Variants in PRKACB observed in about 807,000 individuals in gnomAD.
PRKACB encodes cAMP-dependent protein kinase catalytic subunit beta.
A neutral mutation model predicts 51.4 loss-of-function variants in PRKACB; 16 were observed. The observed-to-expected ratio is 0.31, with a 90% CI of 0.21 to 0.47. PRKACB has a LOEUF of 0.47. Ranked by LOEUF, PRKACB falls within the 20% of genes least tolerant of loss-of-function variation. The pLI, the probability that PRKACB is intolerant of heterozygous loss-of-function variation, is 1.00. For missense variants in PRKACB, 309 were observed against 464.5 expected (o/e 0.67, Z 3.08); for synonymous variants, 147 against 154.4 (o/e 0.95, Z 0.35).
At chr1:84,140,286 A>T (rs1448586698), upstream of PRKACB, among the ~76,000 whole-genome samples, 2 of 152,194 alleles carry the variant, frequency 1.3e-5, no homozygotes, top group Admixed American at 6.5e-5. Flanking sequence ...AATTGTGGTA[A>T]TTCCATACAA....
chr1:84,182,293 C>A lies in PRKACB; in HGVS notation c.343C>A (p.Gln115Lys). The change falls in exon 3 of 10, where the codon CAG (glutamine) becomes AAG (lysine). Residue 115 changes from glutamine to lysine, a missense_variant. Physicochemically the swap from Gln to Lys is moderately conservative, Grantham distance 53. Transcript: ENST00000370685. ...VMLVKHKATE[Q>K]YYAMKILDKQ... is the part of the protein sequence containing the mutation. ...GTTGGTAAAACACAAAGCCACTGAA[C>A]AGTATTATGCCATGAAGATCTTAGA... The A allele has an allele frequency of 6.3e-7, 1 of 1,591,120 alleles. No homozygotes were observed. The highest frequency in any genetic ancestry group is 8.6e-7 in the Non-Finnish European group (1 of 1,168,214).
At chr1:84,180,206 A>ATATATATATATATATATATATATATATG (rs1553173784) in intron 2 of PRKACB, among the ~76,000 whole-genome samples, 2 of 127,140 alleles carry the variant, frequency 1.6e-5, no homozygotes, top group South Asian at 2.6e-4. Context: ...ATATATATAT[A>ATATATATATATATATATATATATATATG]TATGTATGAT....
In PRKACB at chr1:84,217,152, A is replaced by G. The variant is rs143958840; in HGVS notation, c.1071+2835A>G. ...AAATTTGAATTTGGATAGAGAATAC[A>G]AAAGGAAGAGCAGTTTGGTGAGAAA... is the stretch of plus-strand genomic sequence containing the variant. On this transcript the variant is annotated intron_variant, in intron 9 of 9. Coordinates refer to ENST00000370685, the MANE Select transcript of PRKACB (RefSeq NM_182948.4). 5.7e-4 allele frequency among the ~76,000 whole-genome samples: 87 copies of G among 152,324 alleles called. No homozygotes were observed. In the East Asian group the frequency reaches 0.015, roughly 26 times the overall value.
intron 5 of PRKACB, among the ~76,000 whole-genome samples, chr1:84,191,648 A>C (rs976401752): frequency 6.6e-6 from 1 of 152,054 alleles, no homozygotes; most frequent in South Asian, 2.1e-4. Context: ...GGACATAAAG[A>C]TGGAAACAGT....
At chr1:84,110,106 A>G (rs995336330) in intron 1 of PRKACB, among the ~76,000 whole-genome samples, 1 of 151,964 alleles carries the variant, frequency 6.6e-6, no homozygotes, top group South Asian at 2.1e-4. Context: ...TCCCATAAAA[A>G]CATGATACAG....
At chr1:84,148,480 A>G (rs1654417649) in intron 1 of PRKACB, among the ~76,000 whole-genome samples, 1 of 152,100 alleles carries the variant, frequency 6.6e-6, no homozygotes, top group African/African-American at 2.4e-5. Context: ...CTTGAAGGCA[A>G]ATAACTTGTC....
At chr1:84,164,610 T>G (rs1656800386) in intron 1 of PRKACB, 1 of 1,369,264 alleles carries the variant, frequency 7.3e-7, no homozygotes, top group African/African-American at 1.5e-5. Context: ...AACCGATAAT[T>G]CTGGTCTAAT....
intron 1 of PRKACB, among the ~76,000 whole-genome samples, chr1:84,083,259 A>G (rs923549140): frequency 2.0e-5 from 3 of 152,222 alleles, no homozygotes; most frequent in Admixed American, 6.5e-5. Context: ...GTGTAAGACA[A>G]AAAAATCAAA....
chr1:84,232,426 G>A (rs1675855334), intron 9 of PRKACB, among the ~76,000 whole-genome samples: 2 of 152,192 alleles, frequency 1.3e-5, no homozygotes, highest in South Asian at 4.1e-4. Context: ...TTCTGTAGAT[G>A]TCTATTAGGT....
chr1:84,156,196 G>T (rs1416670877), intron 1 of PRKACB, among the ~76,000 whole-genome samples: 1 of 151,924 alleles, frequency 6.6e-6, no homozygotes, highest in African/African-American at 2.4e-5. Context: ...AGATCTTGCT[G>T]TGTTGCCCGG....
chr1:84,092,096 T>G (rs1648524250), intron 1 of PRKACB, among the ~76,000 whole-genome samples: 1 of 152,210 alleles, frequency 6.6e-6, no homozygotes, highest in Admixed American at 6.5e-5. Context: ...AAAATTTAAT[T>G]GAAGTATACC....
upstream of PRKACB, among the ~76,000 whole-genome samples, chr1:84,142,990 T>C (rs549804958): frequency 5.9e-5 from 9 of 152,126 alleles, no homozygotes; most frequent in Non-Finnish European, 1.0e-4. Context: ...CTTTCTTTCC[T>C]TTCCTTCCCT....
intron 9 of PRKACB, among the ~76,000 whole-genome samples, chr1:84,232,824 T>C (rs1386862114): frequency 6.6e-6 from 1 of 152,112 alleles, no homozygotes; most frequent in Non-Finnish European, 1.5e-5. Context: ...GTGAGATGGG[T>C]TTCCTGAATA....
At chr1:84,090,566 A>G (rs973864805) in intron 1 of PRKACB, among the ~76,000 whole-genome samples, 2 of 152,170 alleles carry the variant, frequency 1.3e-5, no homozygotes, top group Admixed American at 1.3e-4. Flanking sequence ...GCTCATTTAC[A>G]TGTTTCCCTG....
intron 1 of PRKACB, among the ~76,000 whole-genome samples, chr1:84,088,504 C>A (rs893954463): frequency 1.3e-5 from 2 of 152,134 alleles, no homozygotes; most frequent in African/African-American, 4.8e-5. Flanking sequence ...TATATGTGAG[C>A]CACAAACTTG....
intron 1 of PRKACB, chr1:84,086,000 T>A: frequency 1.3e-6 from 1 of 764,966 alleles, no homozygotes; most frequent in Non-Finnish European, 2.4e-6. Flanking sequence ...CGCACAGTGG[T>A]GTGGACCCTG....
chr1:84,097,933 C>G (rs1048359234), intron 1 of PRKACB, among the ~76,000 whole-genome samples: 18 of 152,088 alleles, frequency 1.2e-4, no homozygotes, highest in Non-Finnish European at 2.4e-4. Flanking sequence ...ATGCTAATCT[C>G]TTACAGAAAC....
intron 1 of PRKACB, among the ~76,000 whole-genome samples, chr1:84,105,656 A>G (rs930471303): frequency 6.6e-6 from 1 of 151,680 alleles, no homozygotes; most frequent in African/African-American, 2.4e-5. Flanking sequence ...GCTCACTGCA[A>G]CCTCCACCTC....
rs551664982 is a variant in PRKACB at position 84,105,159 on chromosome 1, T to C, written c.46+26788T>C. Among the ~76,000 whole-genome samples the C allele has an allele frequency of 5.9e-5, 9 of 152,340 alleles. No homozygotes were observed. In the South Asian group the frequency reaches 1.4e-3, roughly 25 times the overall value. On this transcript the variant is annotated intron_variant, in intron 1 of 8. Coordinates refer to the PRKACB transcript ENST00000370688. ...AAAAGGTAAATAACCAATGTAGTCC[T>C]CATGAGACATTAAAATTTTTTTTCA...
Sources: gnomAD v4.1 joint callset for allele counts (sites outside exome capture counted in the v4.1 genomes callset) on GRCh38, gnomAD v4.1.1 for gene constraint, MANE v1.5 for transcripts, NCBI Gene and HGNC (gene_info 2026-07-23, HGNC 2026-07-21) for gene names.